Variants in CRIM1 observed in about 807,000 individuals in gnomAD.
CRIM1 encodes cysteine rich transmembrane BMP regulator 1, also known as cysteine-rich motor neuron 1 protein.
A neutral mutation model predicts 116.4 loss-of-function variants in CRIM1; 32 were observed. The ratio of observed to expected loss-of-function variants is 0.27; its 90% CI spans 0.21 to 0.37. CRIM1 has a LOEUF of 0.37. Ranked by LOEUF, CRIM1 falls within the 10% of genes least tolerant of loss-of-function variation. CRIM1 has a pLI of 1.00. For synonymous variants in CRIM1, 590 were observed against 509.2 expected, an observed-to-expected ratio of 1.16 and a Z score of -2.13; for missense variants, 1,331 against 1,354.8, an observed-to-expected ratio of 0.98 and a Z score of 0.28.
intron 2 of CRIM1, among the ~76,000 whole-genome samples, chr2:36,425,982 C>T (rs1321720990): frequency 6.6e-6 from 1 of 152,178 alleles, no homozygotes; most frequent in African/African-American, 2.4e-5. Flanking sequence ...AAGCCAACCA[C>T]CCAATTGTTT....
chr2:36,543,681 A>G (rs1307761137), intron 14 of CRIM1, among the ~76,000 whole-genome samples: 6 of 142,544 alleles, frequency 4.2e-5, no homozygotes, highest in African/African-American at 1.6e-4. Context: ...AGCTGAGAAA[A>G]GTTCTGATTT....
chr2:36,451,811 T>C (rs1440319969), intron 4 of CRIM1, among the ~76,000 whole-genome samples: 1 of 152,204 alleles, frequency 6.6e-6, no homozygotes, highest in Non-Finnish European at 1.5e-5. Context: ...AGAAACTTCC[T>C]GAGGGTGGCT....
intron 2 of CRIM1, among the ~76,000 whole-genome samples, chr2:36,438,551 G>T (rs1558584275): frequency 6.6e-6 from 1 of 152,112 alleles, no homozygotes; most frequent in Non-Finnish European, 1.5e-5. Context: ...GCAGTTCCTT[G>T]GGGGGTTATA....
rs1206361048 is a variant in CRIM1, at chr2:36,549,185, C to T, written c.*484C>T. 6.5e-6 allele frequency: 1 copy of T among 152,872 alleles called. No individual in the cohort carries two copies. Among genetic ancestry groups the T allele is most frequent in the African/African-American group, 2.4e-5 (1 of 41,448 alleles). 9.5% of individuals were successfully genotyped at this position (152,872 alleles called of 1,614,324 possible). A position where few individuals can be genotyped will look rare whatever the true frequency, so the allele number is the denominator to read the frequency against. ...AGGAAACAAAAAAGGCCTTGCGACC[C>T]AGCTGCCATAACCACCTTAGAACTA... On this transcript the variant is annotated 3_prime_UTR_variant, in exon 17 of 17. Transcript: ENST00000280527.
At chr2:36,382,923 G>A (rs1670893805) in intron 1 of CRIM1, among the ~76,000 whole-genome samples, 2 of 152,200 alleles carry the variant, frequency 1.3e-5, no homozygotes, top group Admixed American at 1.3e-4. Flanking sequence ...TCCTTTGGGA[G>A]TTGTCTGCAT....
At chr2:36,514,134 C>T (rs879533180) in intron 11 of CRIM1, among the ~76,000 whole-genome samples, 1 of 152,180 alleles carries the variant, frequency 6.6e-6, no homozygotes, top group Admixed American at 6.5e-5. Flanking sequence ...GGGATTGGTA[C>T]TAGTTTTATC....
At chr2:36,536,354 C>T (rs898397132) in intron 13 of CRIM1, among the ~76,000 whole-genome samples, 1 of 119,228 alleles carries the variant, frequency 8.4e-6, no homozygotes, top group African/African-American at 3.3e-5. Flanking sequence ...AACTTTCCTT[C>T]TAGATGCCTT....
At chr2:36,521,387 G>A (rs1191222122) in intron 12 of CRIM1, among the ~76,000 whole-genome samples, 1 of 152,102 alleles carries the variant, frequency 6.6e-6, no homozygotes, top group African/African-American at 2.4e-5. Context: ...TGGTAGTCTG[G>A]TACAATGAGA....
intron 2 of CRIM1, among the ~76,000 whole-genome samples, chr2:36,406,814 A>G (rs1672842053): frequency 6.6e-6 from 1 of 152,192 alleles, no homozygotes; most frequent in Non-Finnish European, 1.5e-5. Context: ...TAGTTTTCTT[A>G]GGCTAGTTAC....
chr2:36,426,973 C>T (rs186775526), intron 2 of CRIM1, among the ~76,000 whole-genome samples: 46 of 152,130 alleles, frequency 3.0e-4, no homozygotes, highest in Admixed American at 1.4e-3. Context: ...GAGGCTGAGG[C>T]GGGTGGATCA....
At chr2:36,425,971 C>T (rs1258663859) in intron 2 of CRIM1, among the ~76,000 whole-genome samples, 1 of 152,176 alleles carries the variant, frequency 6.6e-6, no homozygotes, top group African/African-American at 2.4e-5. Flanking sequence ...TAGCTGGTGA[C>T]AAGCCAACCA....
chr2:36,460,900 A>G (rs923830453), intron 4 of CRIM1, among the ~76,000 whole-genome samples: 1 of 152,182 alleles, frequency 6.6e-6, no homozygotes, highest in Non-Finnish European at 1.5e-5. Context: ...TAGAAAGACA[A>G]CTGGGCATAA....
chr2:36,440,096 G>T (rs1327822376), intron 2 of CRIM1, among the ~76,000 whole-genome samples: 1 of 152,206 alleles, frequency 6.6e-6, no homozygotes, highest in Non-Finnish European at 1.5e-5. Flanking sequence ...TTTAAAAAGA[G>T]ATCCACTGCT....
At chr2:36,537,637 C>A (rs896055036) in intron 14 of CRIM1, 91 bp downstream of exon 14, 2 of 1,359,620 alleles carry the variant, frequency 1.5e-6, no homozygotes, top group South Asian at 1.5e-5. Context: ...TTCTTTCATT[C>A]GTTCACACGG....
chr2:36,464,257 A>T (rs554545132), intron 4 of CRIM1, among the ~76,000 whole-genome samples: 4 of 152,348 alleles, frequency 2.6e-5, no homozygotes, highest in Non-Finnish European at 5.9e-5. Flanking sequence ...CAGTCTGGTT[A>T]AGTAAGAAAT....
chr2:36,429,510 C>T (rs951275295), intron 2 of CRIM1, among the ~76,000 whole-genome samples: 1 of 152,194 alleles, frequency 6.6e-6, no homozygotes, highest in African/African-American at 2.4e-5. Flanking sequence ...GGCTCTTGTT[C>T]AGGTCCATCA....
chr2:36,522,959 TTTTTTTC>T (rs1311036660), intron 13 of CRIM1, among the ~76,000 whole-genome samples: 1 of 151,872 alleles, frequency 6.6e-6, no homozygotes, highest in East Asian at 1.9e-4. Flanking sequence ...ACAGTGGTTT[TTTTTTTC>T]TTTTTTTAGA....
At chr2:36,495,475 ATT>A (rs1024205619) in intron 7 of CRIM1, among the ~76,000 whole-genome samples, 4 of 129,680 alleles carry the variant, frequency 3.1e-5, no homozygotes, top group South Asian at 2.6e-4. Flanking sequence ...TTATTTATTT[ATT>A]TTTTTTTTTT....
At chr2:36,425,293 T>C (rs762572243) in intron 2 of CRIM1, among the ~76,000 whole-genome samples, 5 of 152,206 alleles carry the variant, frequency 3.3e-5, no homozygotes, top group Non-Finnish European at 7.3e-5. Flanking sequence ...ACTAAACATA[T>C]TGATAGTAAG....
Sources: allele counts gnomAD v4.1 joint callset (sites outside exome capture counted in the v4.1 genomes callset), GRCh38; gene constraint gnomAD v4.1.1; transcripts MANE v1.5; gene names NCBI Gene and HGNC (gene_info 2026-07-23, HGNC 2026-07-21).